NLRP5: variants seen among roughly 807,000 people sequenced by gnomAD.
NLRP5 encodes the protein NACHT, LRR and PYD domains-containing protein 5.
In NLRP5, 93 loss-of-function variants were observed where a neutral mutation model predicts 113.1. The ratio of observed to expected loss-of-function variants is 0.82; its 90% CI spans 0.70 to 0.98. The LOEUF (loss-of-function observed/expected upper bound fraction) is 0.98, where lower values mean the gene tolerates loss of function less well. Ranked by LOEUF, NLRP5 falls within the 50% of genes least tolerant of loss-of-function variation. The probability of loss-of-function intolerance (pLI) is 0.00; values close to 1 mark genes in which losing one functional copy is unlikely to be tolerated. For missense variants in NLRP5, 1,808 were observed against 1,514.3 expected, an observed-to-expected ratio of 1.19 and a Z score of -3.22; for synonymous variants, 751 against 600.7, an observed-to-expected ratio of 1.25 and a Z score of -3.66.
At chr19:56,036,372 T>G (rs1462492045) in intron 9 of NLRP5, among the ~76,000 whole-genome samples, 1 of 151,952 alleles carries the variant, frequency 6.6e-6, no homozygotes, top group African/African-American at 2.4e-5. Context: ...TGGCTGAGAT[T>G]CTTTCATTCA....
intron 2 of NLRP5, among the ~76,000 whole-genome samples, chr19:56,005,210 T>TACACACACATATACACATACACATAC (rs201854651): frequency 1.5e-5 from 2 of 136,008 alleles, no homozygotes; most frequent in African/African-American, 6.2e-5. Flanking sequence ...CACATACACA[T>TACACACACATATACACATACACATAC]ACACACATAT....
At chr19:56,040,583 ATAAG>A (rs1037359207) in intron 10 of NLRP5, among the ~76,000 whole-genome samples, 1 of 152,188 alleles carries the variant, frequency 6.6e-6, no homozygotes, top group Admixed American at 6.6e-5. Context: ...ATAAAAATAA[ATAAG>A]AAAATAAATA....
At position 56,027,355 on chromosome 19, in the gene NLRP5, C is replaced by G. The variant is rs776683793; in HGVS notation, c.1122C>G (p.Asp374Glu). The G allele has an allele frequency of 7.4e-6, 12 of 1,613,368 alleles. No homozygotes were observed. The highest frequency in any genetic ancestry group is 1.7e-5 in the Admixed American group (1 of 59,960). ...ACCTGGGCTCTGTCCTCAACAATGA[C>G]ACAAAGCTCTGCAAAGACTGGGCTG... Residue 374 changes from aspartate (D) to glutamate (E), a missense_variant, in exon 7 of 15, where the codon GAC (aspartate) becomes GAG (glutamate). Transcript: ENST00000390649.
chr19:56,005,146 T>C (rs1213842502), intron 2 of NLRP5, among the ~76,000 whole-genome samples: 1 of 143,392 alleles, frequency 7.0e-6, no homozygotes, highest in Non-Finnish European at 1.5e-5. Flanking sequence ...CACACACATA[T>C]ATACACACAC....
chr19:56,042,387 A>G (rs969869496), intron 11 of NLRP5, among the ~76,000 whole-genome samples: 1 of 152,148 alleles, frequency 6.6e-6, no homozygotes, highest in East Asian at 1.9e-4. Context: ...TCTGTCACCC[A>G]GGTTGGAGTG....
At chr19:55,998,729 T>TATATATATAC (rs1416438411), upstream of NLRP5, among the ~76,000 whole-genome samples, 10 of 132,816 alleles carry the variant, frequency 7.5e-5, no homozygotes, top group Non-Finnish European at 7.7e-5. Flanking sequence ...TATATATATA[T>TATATATATAC]GTGTATATAT....
intron 2 of NLRP5, among the ~76,000 whole-genome samples, chr19:56,006,853 C>T (rs1981936075): frequency 6.6e-6 from 1 of 151,696 alleles, no homozygotes; most frequent in African/African-American, 2.4e-5. Flanking sequence ...CATTCTCCTG[C>T]TTCAGCCTCC....
chr19:56,001,646 G>A (rs1468868665), intron 1 of NLRP5, among the ~76,000 whole-genome samples: 4 of 152,078 alleles, frequency 2.6e-5, no homozygotes, highest in East Asian at 3.9e-4. Flanking sequence ...CCAAAAATCC[G>A]TGTTAACAGA....
intron 4 of NLRP5, among the ~76,000 whole-genome samples, chr19:56,016,781 A>G (rs1196898319): frequency 1.3e-5 from 2 of 152,114 alleles, no homozygotes; most frequent in African/African-American, 4.8e-5. Flanking sequence ...AATTTCCTGT[A>G]TGTTTTAGAG....
intron 11 of NLRP5, among the ~76,000 whole-genome samples, chr19:56,047,474 C>T (rs112224352): frequency 1.2e-5 from 1 of 81,968 alleles, no homozygotes; most frequent in African/African-American, 4.2e-5. Flanking sequence ...TTTCTGTATT[C>T]ATTTTTGACC....
chr19:56,021,087 G>T (rs1388945331), intron 6 of NLRP5, among the ~76,000 whole-genome samples: 1 of 151,968 alleles, frequency 6.6e-6, no homozygotes, highest in Non-Finnish European at 1.5e-5. Context: ...GGCCAGGTCG[G>T]TCTCGCACTC....
chr19:55,997,984 C>G (rs761765965), upstream of NLRP5, among the ~76,000 whole-genome samples: 4 of 152,046 alleles, frequency 2.6e-5, no homozygotes, highest in Non-Finnish European at 5.9e-5. Context: ...AGGTAGGGAG[C>G]AGGAAGTACT....
chr19:56,000,187 C>T (rs1428273499), intron 1 of NLRP5, among the ~76,000 whole-genome samples: 1 of 152,082 alleles, frequency 6.6e-6, no homozygotes, highest in Admixed American at 6.5e-5. Context: ...CCTCTCCGCT[C>T]TTCTCAATGA....
chr19:56,000,607 G>A (rs889560638), intron 1 of NLRP5, among the ~76,000 whole-genome samples: 3 of 151,782 alleles, frequency 2.0e-5, no homozygotes, highest in South Asian at 2.1e-4. Flanking sequence ...CTCATGATCC[G>A]CCCACTTTGG....
At chr19:56,004,706 T>G (rs1040898219) in intron 2 of NLRP5, among the ~76,000 whole-genome samples, 1 of 152,102 alleles carries the variant, frequency 6.6e-6, no homozygotes, top group African/African-American at 2.4e-5. Flanking sequence ...AGAAAGGTCA[T>G]TTAGAAAATA....
Position 56,028,367 on chromosome 19 carries a change from CT to C in NLRP5, c.2136del (p.Pro713ArgfsTer8), listed in dbSNP as rs761416487. 1 of 1,614,002 alleles carries C rather than the reference CT, an allele frequency of 6.2e-7. No homozygotes were observed. Among genetic ancestry groups the C allele is most frequent in the Non-Finnish European group, 8.5e-7 (1 of 1,179,880 alleles). On this transcript the variant is annotated frameshift_variant, in exon 7 of 15. Coordinates refer to ENST00000390649, the MANE Select transcript of NLRP5 (RefSeq NM_153447.4). LOFTEE classifies it high-confidence loss of function. ...ATTAAACAGCTTCCAAGAAGTGTGG[CT>C]TCCGATTAACCAGAACCTGGACTTG...
chr19:55,995,518 G>T (rs1568476836), upstream of NLRP5, among the ~76,000 whole-genome samples: 1 of 152,144 alleles, frequency 6.6e-6, no homozygotes, highest in Non-Finnish European at 1.5e-5. Context: ...GCTTTGTGAA[G>T]TCAGGTAATA....
rs553887453 is a variant in NLRP5, at chr19:56,020,199, A to G, written c.623-176A>G. On this transcript the variant is annotated intron_variant, in intron 5 of 14. Transcript: ENST00000390649. The stretch of plus-strand genomic sequence containing the variant: ...AATGAGCCTAGGACCCTCACCCTCA[A>G]GCTTTGAATTAGTGCTCATTGTACC... Among the ~76,000 whole-genome samples, 190 of 151,916 alleles carry G rather than the reference A, an allele frequency of 1.3e-3. 1 individual carries two copies. The highest frequency in any genetic ancestry group is 1.7e-3 in the Non-Finnish European group (115 of 67,998).
At chr19:56,051,228 T>C (rs1983921458) in intron 12 of NLRP5, among the ~76,000 whole-genome samples, 1 of 152,222 alleles carries the variant, frequency 6.6e-6, no homozygotes, top group Admixed American at 6.5e-5. Context: ...AGTCTTGCTC[T>C]GTTGCCCAGG....
Sources: gnomAD v4.1 joint callset for allele counts (sites outside exome capture counted in the v4.1 genomes callset) on GRCh38, gnomAD v4.1.1 for gene constraint, MANE v1.5 for transcripts, NCBI Gene and HGNC (gene_info 2026-07-23, HGNC 2026-07-21) for gene names.